GYS2: variants seen among roughly 807,000 people sequenced by gnomAD.
GYS2 encodes the protein glycogen [starch] synthase, liver.
A neutral mutation model predicts 85.6 loss-of-function variants in GYS2; 80 were observed. The observed-to-expected ratio is 0.93, with a 90% CI of 0.78 to 1.13. The LOEUF (loss-of-function observed/expected upper bound fraction) is 1.13. Among genes scored for constraint, GYS2 ranks in the 50% most tolerant of loss-of-function variants. GYS2 has a pLI of 0.00. For missense variants in GYS2, 881 were observed against 854.9 expected, an observed-to-expected ratio of 1.03 and a Z score of -0.38; for synonymous variants, 328 against 300.7, an observed-to-expected ratio of 1.09 and a Z score of -0.94.
intron 9 of GYS2, 126 bp downstream of exon 9, chr12:21,559,525 C>T: frequency 7.2e-6 from 5 of 695,114 alleles, no homozygotes; most frequent in Non-Finnish European, 1.0e-5. Context: ...CATGACATAA[C>T]ACATTTTCAA....
intron 1 of GYS2, among the ~76,000 whole-genome samples, chr12:21,587,013 T>A (rs1944581726): frequency 6.6e-6 from 1 of 152,090 alleles, no homozygotes; most frequent in Admixed American, 6.6e-5. Context: ...AAGAATGAAA[T>A]CATGTCTTCT....
chr12:21,537,678 C>T (rs888821606), intron 15 of GYS2, among the ~76,000 whole-genome samples: 1 of 152,164 alleles, frequency 6.6e-6, no homozygotes. Context: ...ATGGCCACCA[C>T]TAGAAGGCAT....
At position 21,559,174 on chromosome 12, in the gene GYS2, A is replaced by C. The variant is rs777032042; in HGVS notation, c.1230-5T>G. 36 of 1,581,920 alleles carry C rather than the reference A, an allele frequency of 2.3e-5. No homozygotes were observed. The highest frequency in any genetic ancestry group is 3.0e-5 in the Non-Finnish European group (34 of 1,152,000). On this transcript the variant is annotated splice_region_variant and splice_polypyrimidine_tract_variant and intron_variant, in intron 9 of 15. Transcript: ENST00000261195. ...TTCAGGTCAGGAATTTCTCCTCTGC[A>C]GGGAAAAAATGTTAATAACAAAAAT...
chr12:21,566,778 C>T (rs1299504215), intron 5 of GYS2, among the ~76,000 whole-genome samples: 3 of 152,108 alleles, frequency 2.0e-5, no homozygotes, highest in Admixed American at 6.5e-5. Context: ...TGTCACACAG[C>T]TAGTAACGTA....
intron 1 of GYS2, among the ~76,000 whole-genome samples, chr12:21,594,097 T>A (rs979186175): frequency 2.0e-5 from 3 of 152,020 alleles, no homozygotes; most frequent in African/African-American, 7.2e-5. Flanking sequence ...AAGGAACATA[T>A]CTCAATATAA....
rs747330965 is a variant in GYS2 at position 21,604,591 on chromosome 12, ATTC to A, written c.-2_1del. On this transcript the variant is annotated start_lost and start_retained_variant and 5_prime_UTR_variant, in exon 1 of 16. Coordinates refer to ENST00000261195, the MANE Select transcript of GYS2 (RefSeq NM_021957.4). ...TACAGAGAGGGATCGGCCTCGAAGC[ATTC>A]TTCTTACAGTCCTCCGAGACTCCTT... is the stretch of plus-strand genomic sequence containing the variant. 3.7e-6 allele frequency: 6 copies of A among 1,612,524 alleles called. No homozygotes were observed. The highest frequency in any genetic ancestry group is 5.1e-6 in the Non-Finnish European group (6 of 1,178,892).
chr12:21,564,988 A>T (rs1944300695), intron 5 of GYS2, among the ~76,000 whole-genome samples: 1 of 152,124 alleles, frequency 6.6e-6, no homozygotes, highest in African/African-American at 2.4e-5. Flanking sequence ...ACCATACAAA[A>T]GCTATAGAAG....
intron 5 of GYS2, among the ~76,000 whole-genome samples, chr12:21,567,734 T>C (rs1186455132): frequency 6.6e-6 from 1 of 152,014 alleles, no homozygotes; most frequent in East Asian, 1.9e-4. Flanking sequence ...GATGCCGGAG[T>C]GTCTCATGGC....
At position 21,536,717 on chromosome 12, in the gene GYS2, A is replaced by G. The variant is rs886049154; in HGVS notation, c.*237T>C. The G allele has an allele frequency of 2.4e-4, 131 of 553,904 alleles. 1 individual carries two copies. The highest frequency in any genetic ancestry group is 1.2e-3 in the Admixed American group (38 of 32,166). The allele number at this position is 553,904 out of a possible 1,614,324, so 34.3% of individuals were successfully genotyped here. ...AACACTTTTCCGTCTTCTGCCTTTA[A>G]TGAGTGCTCCTCCTCATGCCTAACT... is the stretch of plus-strand genomic sequence containing the variant. On this transcript the variant is annotated 3_prime_UTR_variant, in exon 16 of 16. Transcript: ENST00000261195.
intron 9 of GYS2, 125 bp downstream of exon 9, chr12:21,559,526 A>G (rs577490950): frequency 2.5e-4 from 171 of 697,030 alleles, no homozygotes; most frequent in African/African-American, 2.4e-3. Flanking sequence ...ATGACATAAC[A>G]CATTTTCAAA....
At chr12:21,604,432 A>G (rs749132527) in intron 1 of GYS2, 40 bp downstream of exon 1, 10 of 1,141,658 alleles carry the variant, frequency 8.8e-6, no homozygotes, top group African/African-American at 3.0e-5. Context: ...TCAGTCACCT[A>G]GTGAAGGTGT....
intron 9 of GYS2, 92 bp downstream of exon 9, chr12:21,559,559 G>A: frequency 2.6e-6 from 2 of 780,082 alleles, no homozygotes; most frequent in Non-Finnish European, 4.5e-6. Flanking sequence ...CTTGATATTT[G>A]GAACAAAATT....
intron 12 of GYS2, 93 bp from the exon 13 acceptor site, chr12:21,542,684 A>G: frequency 1.3e-6 from 1 of 770,740 alleles, no homozygotes; most frequent in South Asian, 1.4e-5. Context: ...TCCTCCTAAG[A>G]ATAGCAATGT....
chr12:21,539,963 C>A (rs1428516178), intron 14 of GYS2, among the ~76,000 whole-genome samples: 1 of 152,138 alleles, frequency 6.6e-6, no homozygotes, highest in Non-Finnish European at 1.5e-5. Flanking sequence ...GTTTATAAAC[C>A]TATTGCATGA....
chr12:21,543,029 G>T (rs1449964757), intron 12 of GYS2, among the ~76,000 whole-genome samples: 1 of 152,102 alleles, frequency 6.6e-6, no homozygotes, highest in African/African-American at 2.4e-5. Context: ...TTTTGGATGC[G>T]ACCAGCTTCT....
At chr12:21,541,592 C>G (rs1943976863) in intron 13 of GYS2, among the ~76,000 whole-genome samples, 1 of 152,068 alleles carries the variant, frequency 6.6e-6, no homozygotes, top group African/African-American at 2.4e-5. Flanking sequence ...AGGTAAAGGA[C>G]AAAGTTTGTC....
At chr12:21,548,397 T>C (rs1261014330) in intron 11 of GYS2, among the ~76,000 whole-genome samples, 3 of 152,100 alleles carry the variant, frequency 2.0e-5, no homozygotes, top group African/African-American at 4.8e-5. Context: ...CAGTAGCACA[T>C]CATTATAAAG....
intron 2 of GYS2, 23 bp from the exon 3 acceptor site, chr12:21,576,080 A>G: frequency 1.9e-6 from 3 of 1,579,640 alleles, no homozygotes; most frequent in South Asian, 1.1e-5. Context: ...GAACACAGCC[A>G]TGTAGTGATA....
At chr12:21,575,265 C>T (rs1213430812) in intron 3 of GYS2, among the ~76,000 whole-genome samples, 1 of 152,074 alleles carries the variant, frequency 6.6e-6, no homozygotes, top group African/African-American at 2.4e-5. Context: ...TAATTCCACC[C>T]CAGGGTCTAG....
Sources: allele counts gnomAD v4.1 joint callset (sites outside exome capture counted in the v4.1 genomes callset), GRCh38; gene constraint gnomAD v4.1.1; transcripts MANE v1.5; gene names NCBI Gene and HGNC (gene_info 2026-07-23, HGNC 2026-07-21).